The following PTPRD variants were observed in gnomAD, a reference collection of about 807,000 sequenced individuals.
The protein encoded by PTPRD is receptor-type tyrosine-protein phosphatase delta.
PTPRD carries 34 observed loss-of-function variants against 214.5 expected under a neutral mutation model. That is an observed-to-expected ratio of 0.16 (90% CI 0.12 to 0.21). The LOEUF (loss-of-function observed/expected upper bound fraction) is 0.21. PTPRD is among the 10% of genes least tolerant of loss of function. PTPRD has a pLI of 1.00. For synonymous variants in PTPRD, 1,128 were observed against 845.7 expected, an observed-to-expected ratio of 1.33 and a Z score of -5.79; for missense variants, 2,545 against 2,398.7, an observed-to-expected ratio of 1.06 and a Z score of -1.27.
rs1233401406 is a variant in PTPRD, at chr9:9,877,127, G to A, written c.-368+61380C>T. Among the ~76,000 whole-genome samples the A allele has an allele frequency of 2.6e-5, 4 of 152,072 alleles. No homozygotes were observed. In the East Asian group the frequency reaches 7.7e-4, roughly 29 times the overall value. ...CAGAGATATATTTCAGCTGTCATTTGAAATTTATCATAGTAATTCTTGGGA... is the reference window on the plus strand; with the variant it reads ...CAGAGATATATTTCAGCTGTCATTTAAAATTTATCATAGTAATTCTTGGGA... On this transcript the variant is annotated intron_variant, in intron 5 of 45. Coordinates refer to ENST00000381196, the MANE Select transcript of PTPRD (RefSeq NM_002839.4).
At chr9:8,545,827 A>G (rs926859441) in intron 14 of PTPRD, among the ~76,000 whole-genome samples, 6 of 152,222 alleles carry the variant, frequency 3.9e-5, no homozygotes, top group African/African-American at 1.4e-4. Flanking sequence ...TTGAATTATT[A>G]TAGACATACT....
chr9:9,309,234 T>C (rs1958121864), intron 9 of PTPRD, among the ~76,000 whole-genome samples: 1 of 151,924 alleles, frequency 6.6e-6, no homozygotes. Context: ...TTTTTTTAAT[T>C]TTTCTTTGCT....
At chr9:9,664,466 C>T (rs563596762) in intron 7 of PTPRD, among the ~76,000 whole-genome samples, 2 of 151,586 alleles carry the variant, frequency 1.3e-5, no homozygotes, top group African/African-American at 2.4e-5. Flanking sequence ...GACATATCTG[C>T]CCGGACATGC....
chr9:9,541,839 T>A (rs2077653434), intron 8 of PTPRD, among the ~76,000 whole-genome samples: 1 of 151,746 alleles, frequency 6.6e-6, no homozygotes, highest in East Asian at 1.9e-4. Context: ...ATAACTATGG[T>A]GTATTTTGGA....
At chr9:9,407,050 G>C (rs1312998731) in intron 8 of PTPRD, among the ~76,000 whole-genome samples, 1 of 151,818 alleles carries the variant, frequency 6.6e-6, no homozygotes, top group East Asian at 1.9e-4. Context: ...AATAGTAATA[G>C]TACTTATTTC....
At chr9:10,123,258 T>G (rs1486189352) in intron 3 of PTPRD, among the ~76,000 whole-genome samples, 1 of 152,222 alleles carries the variant, frequency 6.6e-6, no homozygotes, top group Non-Finnish European at 1.5e-5. Flanking sequence ...TTGGCCACCT[T>G]TAGACCCAAT....
At chr9:10,069,898 G>C (rs1237171232) in intron 3 of PTPRD, among the ~76,000 whole-genome samples, 1 of 151,936 alleles carries the variant, frequency 6.6e-6, no homozygotes, top group Non-Finnish European at 1.5e-5. Context: ...TAAAAGAAGA[G>C]ATCCTATGTA....
At chr9:10,394,623 C>T (rs2098133604) in intron 2 of PTPRD, among the ~76,000 whole-genome samples, 2 of 151,914 alleles carry the variant, frequency 1.3e-5, no homozygotes, top group Non-Finnish European at 2.9e-5. Context: ...AAGTGAGTAA[C>T]TCGCACATCC....
In PTPRD at chr9:8,845,341, G is replaced by A. The variant is rs780085294; in HGVS notation, c.-103-111395C>T. ...CAGTGTCCTATAAAGAAAAAAAGTC[G>A]CCAAATCGTACATGTCATTTGAATA... On this transcript the variant is annotated intron_variant, in intron 11 of 45. Coordinates refer to ENST00000381196, the MANE Select transcript of PTPRD (RefSeq NM_002839.4). Among the ~76,000 whole-genome samples the A allele has an allele frequency of 3.9e-5, 6 of 152,106 alleles. No individual in the cohort carries two copies. The South Asian group carries it at 6.2e-4, about 16-fold the overall frequency.
intron 3 of PTPRD, among the ~76,000 whole-genome samples, chr9:10,251,444 C>T (rs1051658037): frequency 6.6e-5 from 10 of 151,036 alleles, no homozygotes; most frequent in African/African-American, 2.4e-4. Context: ...ATTATCAGAT[C>T]GAGGTTAAGA....
chr9:9,054,317 T>C (rs2099692303), intron 10 of PTPRD, among the ~76,000 whole-genome samples: 1 of 152,232 alleles, frequency 6.6e-6, no homozygotes, highest in East Asian at 1.9e-4. Flanking sequence ...GTCTTGTTCA[T>C]GTTTTAAGAG....
intron 10 of PTPRD, among the ~76,000 whole-genome samples, chr9:9,096,615 T>C (rs928467332): frequency 5.9e-5 from 9 of 152,220 alleles, no homozygotes; most frequent in African/African-American, 1.9e-4. Context: ...ATTTCAAGGT[T>C]ACATAGAGAT....
intron 7 of PTPRD, among the ~76,000 whole-genome samples, chr9:9,632,121 T>A (rs1274642430): frequency 1.3e-5 from 2 of 152,210 alleles, no homozygotes; most frequent in African/African-American, 4.8e-5. Flanking sequence ...GCAGCGTTAT[T>A]CACAATAGCC....
intron 10 of PTPRD, among the ~76,000 whole-genome samples, chr9:9,173,382 C>G (rs1303202398): frequency 6.6e-6 from 1 of 152,090 alleles, no homozygotes; most frequent in African/African-American, 2.4e-5. Context: ...GGGTTGGTAT[C>G]CATTTGTACT....
chr9:10,140,469 A>C (rs2098976228), intron 3 of PTPRD, among the ~76,000 whole-genome samples: 1 of 151,966 alleles, frequency 6.6e-6, no homozygotes, highest in Non-Finnish European at 1.5e-5. Flanking sequence ...TAGTATAAAC[A>C]CCTCTACGCA....
At chr9:9,197,948 T>A (rs2099939593) in intron 9 of PTPRD, among the ~76,000 whole-genome samples, 1 of 152,200 alleles carries the variant, frequency 6.6e-6, no homozygotes, top group Admixed American at 6.5e-5. Context: ...GCATCAAGCT[T>A]TTTGACACTG....
At chr9:8,693,781 A>C (rs953472001) in intron 12 of PTPRD, among the ~76,000 whole-genome samples, 1 of 152,220 alleles carries the variant, frequency 6.6e-6, no homozygotes, top group Non-Finnish European at 1.5e-5. Context: ...AGCAAAGCTG[A>C]GAAAACAACA....
chr9:8,649,860 T>C (rs1300651953), intron 12 of PTPRD, among the ~76,000 whole-genome samples: 5 of 152,206 alleles, frequency 3.3e-5, no homozygotes, highest in Admixed American at 3.3e-4. Context: ...TATTTGGCTA[T>C]TTAAAAATAT....
intron 5 of PTPRD, among the ~76,000 whole-genome samples, chr9:9,788,656 C>T (rs1253475100): frequency 1.3e-5 from 2 of 150,926 alleles, no homozygotes; most frequent in Non-Finnish European, 2.9e-5. Flanking sequence ...TAATATTAAT[C>T]TGATACAAAA....
Sources: allele counts gnomAD v4.1 joint callset (sites outside exome capture counted in the v4.1 genomes callset), GRCh38; gene constraint gnomAD v4.1.1; transcripts MANE v1.5; gene names NCBI Gene and HGNC (gene_info 2026-07-23, HGNC 2026-07-21).